DPY19L4: variants seen among roughly 807,000 people sequenced by gnomAD.
The protein encoded by DPY19L4 is dpy-19 like 4.
Under a neutral mutation model 102.8 loss-of-function variants are expected in DPY19L4, and 97 were observed. The observed-to-expected ratio is 0.94, with a 90% CI of 0.80 to 1.12. The LOEUF (loss-of-function observed/expected upper bound fraction) is 1.12. Ranked by LOEUF, DPY19L4 falls within the 50% of genes most tolerant of loss-of-function variation. DPY19L4 has a pLI of 0.00. For synonymous variants in DPY19L4, 252 were observed against 283.1 expected (o/e 0.89, Z 1.10); for missense variants, 815 against 850.4 (o/e 0.96, Z 0.52).
chr8:94,780,365 AT>A lies in DPY19L4; in HGVS notation c.1584del (p.Leu529Ter), dbSNP rs1563615351. ...RTVHPILLALILSMAVPTIIG... is the reference protein window; with the variant it reads ...RTVHPILLALXLSMAVPTIIG... ...TTTTGCTTTAATATTTTAGGCTCTT[AT>A]TCTGAGCATGGCCGTGCCTACTATA... is the stretch of plus-strand genomic sequence containing the variant. On this transcript the variant is annotated frameshift_variant, in exon 15 of 19. Coordinates refer to ENST00000414645, the MANE Select transcript of DPY19L4 (RefSeq NM_181787.3). LOFTEE classifies it high-confidence loss of function. 6.8e-7 allele frequency: 1 copy of A among 1,478,604 alleles called. No individual in the cohort carries two copies. Among genetic ancestry groups the A allele is most frequent in the Non-Finnish European group, 9.1e-7 (1 of 1,098,920 alleles). The allele number at this position is 1,478,604 out of a possible 1,614,324, so 91.6% of individuals were successfully genotyped here. A position where few individuals can be genotyped will look rare whatever the true frequency, so the allele number is the denominator to read the frequency against.
At chr8:94,787,858 TA>T in intron 17 of DPY19L4, 35 bp from the exon 18 acceptor site, 1 of 1,178,332 alleles carries the variant, frequency 8.5e-7, no homozygotes. Context: ...ATTTTAATTA[TA>T]TTCTTTCAGT....
chr8:94,730,643 G>A (rs1810904938), intron 2 of DPY19L4, among the ~76,000 whole-genome samples: 1 of 151,568 alleles, frequency 6.6e-6, no homozygotes, highest in African/African-American at 2.4e-5. Context: ...TACTCGGGAG[G>A]CTGAGGCAGG....
In DPY19L4 at chr8:94,792,748, C is replaced by A. The variant is rs1453270270; in HGVS notation, c.*2838C>A. The A allele has an allele frequency of 6.6e-6, 1 of 152,260 alleles. No homozygotes were observed. The highest frequency in any genetic ancestry group is 1.5e-5 in the Non-Finnish European group (1 of 68,256). The allele number at this position is 152,260 out of a possible 1,614,324, so 9.4% of individuals were successfully genotyped here. On this transcript the variant is annotated 3_prime_UTR_variant, in exon 19 of 19. Transcript: ENST00000414645. The stretch of plus-strand genomic sequence containing the variant: ...GCGGGCGCCTGTAGTCCCAGCTACT[C>A]CGAGGCTGAAGCAGGAGAATGGCGT...
chr8:94,742,910 G>A lies in DPY19L4; in HGVS notation c.611+3120G>A, dbSNP rs980808005. Among the ~76,000 whole-genome samples, 36 of 152,014 alleles carry A rather than the reference G, an allele frequency of 2.4e-4. 1 individual carries two copies. Among genetic ancestry groups the A allele is most frequent in the African/African-American group, 2.4e-5 (1 of 41,406 alleles). On this transcript the variant is annotated intron_variant, in intron 6 of 18. Coordinates refer to ENST00000414645, the MANE Select transcript of DPY19L4 (RefSeq NM_181787.3). ...GGTAGAGTTGTGGTTTCACCATGTT[G>A]CCTAGGGTGGTCTCAAACTCCTGAC... is the stretch of plus-strand genomic sequence containing the variant.
At chr8:94,749,030 A>G (rs960972221) in intron 6 of DPY19L4, among the ~76,000 whole-genome samples, 40 of 152,216 alleles carry the variant, frequency 2.6e-4, no homozygotes, top group African/African-American at 9.4e-4. Context: ...CTCACATGGT[A>G]GCAGACAAGA....
intron 12 of DPY19L4, among the ~76,000 whole-genome samples, chr8:94,769,780 T>G (rs1440938448): frequency 6.6e-6 from 1 of 152,148 alleles, no homozygotes; most frequent in Non-Finnish European, 1.5e-5. Context: ...TTCTTCATTT[T>G]AAGAATTTAG....
rs539746200 is a variant in DPY19L4 at position 94,729,497 on chromosome 8, G to A, written c.127+3056G>A. Among the ~76,000 whole-genome samples the A allele has an allele frequency of 9.4e-5, 14 of 148,696 alleles. 1 individual carries two copies. In the South Asian group the frequency reaches 3.0e-3, roughly 31 times the overall value. On this transcript the variant is annotated intron_variant, in intron 2 of 18. Coordinates refer to ENST00000414645, the MANE Select transcript of DPY19L4 (RefSeq NM_181787.3). Reference sequence around the variant, plus strand: ...CCCTGTAGTCCCAGCTACTTGGGAGGCTGAGACACAAGAATTGCTTGAATT... The same window carrying A: ...CCCTGTAGTCCCAGCTACTTGGGAGACTGAGACACAAGAATTGCTTGAATT...
At chr8:94,754,622 C>A (rs1379662598) in intron 6 of DPY19L4, among the ~76,000 whole-genome samples, 1 of 152,116 alleles carries the variant, frequency 6.6e-6, no homozygotes, top group East Asian at 1.9e-4. Flanking sequence ...ACAATAGCAC[C>A]TTTATTTTTG....
chr8:94,756,689 C>A (rs933176135), intron 7 of DPY19L4, among the ~76,000 whole-genome samples: 6 of 152,098 alleles, frequency 3.9e-5, no homozygotes, highest in African/African-American at 1.4e-4. Context: ...TTGCCACAGC[C>A]CTTTTGGCAG....
intron 2 of DPY19L4, among the ~76,000 whole-genome samples, chr8:94,729,921 G>A (rs906706792): frequency 6.6e-6 from 1 of 151,914 alleles, no homozygotes; most frequent in African/African-American, 2.4e-5. Context: ...TTACAAAATA[G>A]TATTTCCTCC....
In DPY19L4 at chr8:94,754,888, A is replaced by T. The variant is rs936035414; in HGVS notation, c.612-1148A>T. Among the ~76,000 whole-genome samples, 3 of 152,208 alleles carry T rather than the reference A, an allele frequency of 2.0e-5. No homozygotes were observed. In the East Asian group the frequency reaches 5.8e-4, roughly 29 times the overall value. ...TCTGCAACCTCCGCCTCCCAGGTTC[A>T]AGTGATTCTCCTGCCTCAGCCTAAC... On this transcript the variant is annotated intron_variant, in intron 6 of 18. Coordinates refer to ENST00000414645, the MANE Select transcript of DPY19L4 (RefSeq NM_181787.3).
intron 6 of DPY19L4, chr8:94,744,912 G>A (rs183775663): frequency 8.3e-5 from 18 of 216,028 alleles, no homozygotes; most frequent in South Asian, 1.6e-4. Flanking sequence ...TAAAAAATGC[G>A]TTTGTTTGCT....
chr8:94,775,512 A>G (rs1563611435), intron 13 of DPY19L4, among the ~76,000 whole-genome samples: 2 of 152,222 alleles, frequency 1.3e-5, no homozygotes, highest in Admixed American at 6.5e-5. Context: ...TCTTTTGTAG[A>G]GACAGGGTCT....
chr8:94,727,167 G>C (rs1810726266), intron 2 of DPY19L4, among the ~76,000 whole-genome samples: 1 of 152,300 alleles, frequency 6.6e-6, no homozygotes, highest in Non-Finnish European at 1.5e-5. Context: ...CCCATGTTTG[G>C]TTATTAGCTG....
At chr8:94,776,897 G>A (rs1376746856) in intron 13 of DPY19L4, among the ~76,000 whole-genome samples, 3 of 151,242 alleles carry the variant, frequency 2.0e-5, no homozygotes, top group South Asian at 2.1e-4. Flanking sequence ...CCCAGAAGGC[G>A]GGGGTTGCAG....
Position 94,790,699 on chromosome 8 carries a change from T to G in DPY19L4, c.*789T>G, listed in dbSNP as rs192145120. The G allele has an allele frequency of 6.6e-6, 1 of 152,184 alleles. No homozygotes were observed. Among genetic ancestry groups the G allele is most frequent in the Admixed American group, 6.5e-5 (1 of 15,294 alleles). 9.4% of individuals were successfully genotyped at this position (152,184 alleles called of 1,614,324 possible). ...ATTTAAAAGAATGTTGTTCAGGTTT[T>G]TTTTTTAAATACTGATATGGGGCAT... is the stretch of plus-strand genomic sequence containing the variant. On this transcript the variant is annotated 3_prime_UTR_variant, in exon 19 of 19. Coordinates refer to ENST00000414645, the MANE Select transcript of DPY19L4 (RefSeq NM_181787.3).
chr8:94,738,317 T>TAA, intron 3 of DPY19L4, 52 bp from the exon 4 acceptor site: 1 of 849,688 alleles, frequency 1.2e-6, no homozygotes. Flanking sequence ...AGACTCTGTC[T>TAA]CAAAAAAAAA....
intron 14 of DPY19L4, among the ~76,000 whole-genome samples, chr8:94,778,854 C>T (rs1194038341): frequency 6.6e-6 from 1 of 152,048 alleles, no homozygotes; most frequent in Non-Finnish European, 1.5e-5. Flanking sequence ...ATTTAGTTTT[C>T]TTGGCACATA....
At chr8:94,744,593 T>C in intron 6 of DPY19L4, 1 of 455,408 alleles carries the variant, frequency 2.2e-6, no homozygotes, top group Non-Finnish European at 4.4e-6. Flanking sequence ...TTCAATTAAC[T>C]TTGCTATTAA....
Sources: gnomAD v4.1 joint callset for allele counts (sites outside exome capture counted in the v4.1 genomes callset) on GRCh38, gnomAD v4.1.1 for gene constraint, MANE v1.5 for transcripts, NCBI Gene and HGNC (gene_info 2026-07-23, HGNC 2026-07-21) for gene names.